The following UBAC2 variants were observed in gnomAD, a reference collection of about 807,000 sequenced individuals.
UBAC2 encodes the protein ubiquitin-associated domain-containing protein 2.
A neutral mutation model predicts 44.0 loss-of-function variants in UBAC2; 26 were observed. The ratio of observed to expected loss-of-function variants is 0.59; its 90% CI spans 0.43 to 0.82. The LOEUF is 0.82. UBAC2 is among the 40% of genes least tolerant of loss of function. The pLI is 0.00. For missense variants in UBAC2, 329 were observed against 419.4 expected, an observed-to-expected ratio of 0.78 and a Z score of 1.88; for synonymous variants, 155 against 154.3, an observed-to-expected ratio of 1.00 and a Z score of -0.04.
intron 1 of UBAC2, 105 bp downstream of exon 1, chr13:99,201,044 G>A (rs1282102854): frequency 2.5e-5 from 32 of 1,299,592 alleles, no homozygotes; most frequent in Admixed American, 3.7e-5. Context: ...CGGAGGTGGT[G>A]GGGCCGACCC....
At chr13:99,280,458 G>C (rs1447402601) in intron 4 of UBAC2, among the ~76,000 whole-genome samples, 3 of 152,028 alleles carry the variant, frequency 2.0e-5, no homozygotes, top group Non-Finnish European at 4.4e-5. Flanking sequence ...TGTCCCCTTG[G>C]GTAGCTCTGC....
At chr13:99,215,618 C>T in intron 1 of UBAC2, 1 of 1,324,970 alleles carries the variant, frequency 7.5e-7, no homozygotes, top group Middle Eastern at 2.5e-4. Context: ...CAGTTGCACC[C>T]ACATGTCTGT....
chr13:99,238,250 G>C (rs2043261569), intron 1 of UBAC2, among the ~76,000 whole-genome samples, 177 bp from the exon 2 acceptor site: 1 of 152,168 alleles, frequency 6.6e-6, no homozygotes, highest in Non-Finnish European at 1.5e-5. Context: ...AGTGTCTTTT[G>C]ATCACTTACA....
intron 1 of UBAC2, among the ~76,000 whole-genome samples, chr13:99,237,891 G>A (rs1404294353): frequency 6.6e-6 from 1 of 152,186 alleles, no homozygotes; most frequent in Admixed American, 6.5e-5. Context: ...GGAGGTGGAG[G>A]TTGCAGTGAG....
intron 4 of UBAC2, among the ~76,000 whole-genome samples, chr13:99,292,638 A>C (rs2044106501): frequency 6.6e-6 from 1 of 151,936 alleles, no homozygotes; most frequent in African/African-American, 2.4e-5. Context: ...CTAACATCTG[A>C]CACTATTCTA....
intron 8 of UBAC2, among the ~76,000 whole-genome samples, chr13:99,368,725 G>T (rs1364286260): frequency 2.1e-5 from 3 of 146,044 alleles, no homozygotes; most frequent in Non-Finnish European, 4.5e-5. Context: ...GTGTGTGTGT[G>T]TACACATACC....
At chr13:99,371,269 T>C (rs966490335) in intron 8 of UBAC2, among the ~76,000 whole-genome samples, 1 of 152,204 alleles carries the variant, frequency 6.6e-6, no homozygotes, top group Non-Finnish European at 1.5e-5. Context: ...CCTCGCTCCG[T>C]GTTACGAGAA....
At position 99,340,383 on chromosome 13, in the gene UBAC2, T is replaced by C. The variant is rs757921805; in HGVS notation, c.625T>C (p.Trp209Arg). 1 of 1,614,224 alleles carries C rather than the reference T, an allele frequency of 6.2e-7. No homozygotes were observed. The highest frequency in any genetic ancestry group is 8.5e-7 in the Non-Finnish European group (1 of 1,180,024). The part of the protein sequence containing the change: ...QVHQVLCIPS[W>R]MAKFFSWTLE... ...GCATCAGGTGCTCTGCATCCCCAGCTGGATGGCAAAATTCTTTTCTTGGAC... is the reference window on the plus strand; with the variant it reads ...GCATCAGGTGCTCTGCATCCCCAGCCGGATGGCAAAATTCTTTTCTTGGAC... The change falls in exon 7 of 9, where the codon TGG (tryptophan) becomes CGG (arginine). Residue 209 changes from tryptophan to arginine, a missense_variant. Coordinates refer to ENST00000403766, the MANE Select transcript of UBAC2 (RefSeq NM_001144072.2).
At chr13:99,201,613 C>A in intron 1 of UBAC2, 1 of 1,605,920 alleles carries the variant, frequency 6.2e-7, no homozygotes, top group Non-Finnish European at 8.5e-7. Flanking sequence ...GCTTTTCTCA[C>A]TGAGTGTGTG....
At chr13:99,309,781 T>TTGTG (rs1555328457) in intron 4 of UBAC2, among the ~76,000 whole-genome samples, 1 of 151,748 alleles carries the variant, frequency 6.6e-6, no homozygotes, top group Non-Finnish European at 1.5e-5. Context: ...TTGTATTTTT[T>TTGTG]TGTGTGTGTG....
rs760739327 is a variant in UBAC2 at position 99,295,589 on chromosome 13, T to C, written c.390-18508T>C. 50 of 1,614,070 alleles carry C rather than the reference T, an allele frequency of 3.1e-5. No homozygotes were observed. In the South Asian group the frequency reaches 5.1e-4, roughly 16 times the overall value. On this transcript the variant is annotated intron_variant, in intron 4 of 8. Coordinates refer to ENST00000403766, the MANE Select transcript of UBAC2 (RefSeq NM_001144072.2). This position sits in a 1 kb window ranked among gnomAD's most constrained non-coding sequence, Gnocchi z 4.1. ...GGGAAGAGATTTAGTTTCTTCAAAG[T>C]TTGGATACTCCATGCATGTAATCCT...
At position 99,204,673 on chromosome 13, in the gene UBAC2, C is replaced by T. The variant is rs563396131; in HGVS notation, c.31+3734C>T. ...AGAGATTTTCAAAACGGGCCTGAAG[C>T]GCGACCTGTGGGAAAGAAAGAGGCC... is the stretch of plus-strand genomic sequence containing the variant. On this transcript the variant is annotated intron_variant, in intron 1 of 8. Transcript: ENST00000403766. Among the ~76,000 whole-genome samples the T allele has an allele frequency of 5.3e-5, 8 of 152,032 alleles. No individual in the cohort carries two copies. The East Asian group carries it at 9.7e-4, about 18-fold the overall frequency.
At chr13:99,276,640 C>T (rs1377288930) in intron 4 of UBAC2, among the ~76,000 whole-genome samples, 4 of 152,178 alleles carry the variant, frequency 2.6e-5, no homozygotes, top group Non-Finnish European at 4.4e-5. Context: ...TCTCCCACCA[C>T]CCCACTTCCT....
At chr13:99,274,991 T>G (rs968268515) in intron 4 of UBAC2, among the ~76,000 whole-genome samples, 5 of 152,222 alleles carry the variant, frequency 3.3e-5, no homozygotes, top group African/African-American at 1.2e-4. Flanking sequence ...GTGCTGGGAT[T>G]ATAGATGTGA....
Position 99,295,695 on chromosome 13 carries a change from C to T in UBAC2, c.390-18402C>T, listed in dbSNP as rs200057657. ...ACTAGAATCCAGACAAATATGCACA[C>T]GCCTTTTGCATGTTCAATCCTTTTT... is the stretch of plus-strand genomic sequence containing the variant. On this transcript the variant is annotated intron_variant, in intron 4 of 8. Transcript: ENST00000403766. This position sits in a 1 kb window ranked among gnomAD's most constrained non-coding sequence, Gnocchi z 4.1. 388 of 1,614,146 alleles carry T rather than the reference C, an allele frequency of 2.4e-4. 1 individual carries two copies. Among genetic ancestry groups the T allele is most frequent in the Non-Finnish European group, 1.5e-4 (180 of 1,180,024 alleles).
intron 4 of UBAC2, among the ~76,000 whole-genome samples, chr13:99,267,117 T>C (rs1178954361): frequency 6.6e-6 from 1 of 151,962 alleles, no homozygotes; most frequent in Non-Finnish European, 1.5e-5. Context: ...CCATTTCCGA[T>C]GATGAGTGAC....
At chr13:99,323,191 T>C (rs1300440328) in intron 6 of UBAC2, among the ~76,000 whole-genome samples, 2 of 152,084 alleles carry the variant, frequency 1.3e-5, no homozygotes, top group East Asian at 1.9e-4. Flanking sequence ...CAAAGAGTGG[T>C]ATAGGTAGCA....
chr13:99,244,287 A>C (rs2043354377), intron 3 of UBAC2, among the ~76,000 whole-genome samples: 1 of 151,974 alleles, frequency 6.6e-6, no homozygotes, highest in Admixed American at 6.6e-5. Flanking sequence ...CTTAAAAATT[A>C]TGGCTGTTAA....
At chr13:99,335,882 C>CAAAA (rs1478650111) in intron 6 of UBAC2, among the ~76,000 whole-genome samples, 2 of 152,018 alleles carry the variant, frequency 1.3e-5, no homozygotes, top group Admixed American at 1.3e-4. Context: ...CCATCCTTAC[C>CAAAA]AAAACCTCAC....
Sources: gnomAD v4.1 joint callset for allele counts (sites outside exome capture counted in the v4.1 genomes callset) on GRCh38, gnomAD v4.1.1 for gene constraint, Gnocchi (gnomAD v3.1) non-coding constraint, MANE v1.5 for transcripts, NCBI Gene and HGNC (gene_info 2026-07-23, HGNC 2026-07-21) for gene names.